The following CDH13 variants were observed in gnomAD, a reference collection of about 807,000 sequenced individuals.
CDH13 encodes the protein cadherin 13.
CDH13 carries 24 observed loss-of-function variants against 63.8 expected under a neutral mutation model. That is an observed-to-expected ratio of 0.38 (90% CI 0.27 to 0.53). CDH13 has a LOEUF of 0.53. CDH13 is among the 20% of genes least tolerant of loss of function. The pLI is 0.85. For missense variants in CDH13, 1,049 were observed against 903.1 expected (o/e 1.16, Z -2.07); for synonymous variants, 503 against 355.3 (o/e 1.42, Z -4.67).
At chr16:83,352,869 G>T (rs1013842168) in intron 6 of CDH13, among the ~76,000 whole-genome samples, 1 of 152,196 alleles carries the variant, frequency 6.6e-6, no homozygotes, top group African/African-American at 2.4e-5. Flanking sequence ...CAGCCTGGGC[G>T]ATAGAGCGAG....
At chr16:82,997,628 G>T (rs1269011083) in intron 2 of CDH13, among the ~76,000 whole-genome samples, 1 of 152,062 alleles carries the variant, frequency 6.6e-6, no homozygotes, top group African/African-American at 2.4e-5. Flanking sequence ...CCTGAGCCCA[G>T]GTTGTTCTTA....
intron 1 of CDH13, among the ~76,000 whole-genome samples, chr16:82,793,174 A>G (rs1028412141): frequency 3.9e-5 from 6 of 152,238 alleles, no homozygotes; most frequent in Non-Finnish European, 8.8e-5. Context: ...TCAGTGCATC[A>G]CCCAGTGAAG....
At chr16:83,477,132 G>T (rs948505773) in intron 6 of CDH13, among the ~76,000 whole-genome samples, 1 of 152,248 alleles carries the variant, frequency 6.6e-6, no homozygotes, top group Non-Finnish European at 1.5e-5. Context: ...GCAGACACTG[G>T]AGGCTGAACT....
intron 1 of CDH13, among the ~76,000 whole-genome samples, chr16:82,856,879 G>A (rs906247586): frequency 3.3e-5 from 5 of 152,044 alleles, no homozygotes; most frequent in Non-Finnish European, 7.4e-5. Flanking sequence ...GACAAAATGC[G>A]TATCTCCAAG....
At chr16:83,781,569 A>G (rs1391153792) in intron 12 of CDH13, among the ~76,000 whole-genome samples, 1 of 151,950 alleles carries the variant, frequency 6.6e-6, no homozygotes, top group Non-Finnish European at 1.5e-5. Flanking sequence ...TTTGCTTGTT[A>G]TTGATTCTAT....
chr16:83,349,165 C>A (rs1443459009), intron 6 of CDH13, among the ~76,000 whole-genome samples: 2 of 152,180 alleles, frequency 1.3e-5, no homozygotes, highest in African/African-American at 2.4e-5. Context: ...TTTGACTTTG[C>A]AGATCGTGAG....
chr16:83,081,870 G>A lies in CDH13; in HGVS notation c.367-43515G>A, dbSNP rs183106272. Among the ~76,000 whole-genome samples the A allele has an allele frequency of 1.9e-3, 282 of 150,898 alleles. 3 individuals are homozygous for A. Among genetic ancestry groups the A allele is most frequent in the African/African-American group, 5.2e-3 (213 of 41,012 alleles). ...GGCTGGAGTACAGTGGTGTGATCTC[G>A]GCTCACCATAACCTCCGCCTCCCAG... On this transcript the variant is annotated intron_variant, in intron 3 of 13. Coordinates refer to ENST00000567109, the MANE Select transcript of CDH13 (RefSeq NM_001257.5).
intron 7 of CDH13, among the ~76,000 whole-genome samples, chr16:83,556,735 C>T (rs923238939): frequency 2.0e-5 from 3 of 152,162 alleles, no homozygotes; most frequent in Non-Finnish European, 4.4e-5. Context: ...GGCCTGGCTT[C>T]GATAACTTAC....
chr16:82,997,639 T>C (rs1843208792), intron 2 of CDH13, among the ~76,000 whole-genome samples: 2 of 152,178 alleles, frequency 1.3e-5, no homozygotes, highest in Admixed American at 6.5e-5. Flanking sequence ...GTTGTTCTTA[T>C]CCCTGTTCTA....
At chr16:82,774,300 T>G (rs576509638) in intron 1 of CDH13, among the ~76,000 whole-genome samples, 6 of 147,012 alleles carry the variant, frequency 4.1e-5, no homozygotes, top group Non-Finnish European at 8.9e-5. Context: ...CTCTTCAATT[T>G]ACATCTGTAT....
intron 1 of CDH13, among the ~76,000 whole-genome samples, chr16:82,778,570 GA>G (rs11350020): frequency 0.29 from 24,318 of 85,104 alleles, 1,885 homozygotes; most frequent in South Asian, 0.43. Flanking sequence ...ATCACGACCA[GA>G]AAAAAAAAAA....
At chr16:83,119,751 A>T (rs1173550437) in intron 3 of CDH13, among the ~76,000 whole-genome samples, 1 of 152,192 alleles carries the variant, frequency 6.6e-6, no homozygotes, top group African/African-American at 2.4e-5. Flanking sequence ...TATGGATGTC[A>T]GTCAAATCAT....
chr16:83,745,585 C>A (rs1567568072), intron 10 of CDH13, among the ~76,000 whole-genome samples: 1 of 152,162 alleles, frequency 6.6e-6, no homozygotes, highest in Non-Finnish European at 1.5e-5. Context: ...GTGGTGACTG[C>A]ATAGATGCCC....
intron 3 of CDH13, among the ~76,000 whole-genome samples, chr16:83,046,876 T>C (rs1470417713): frequency 1.3e-5 from 2 of 152,102 alleles, no homozygotes; most frequent in Admixed American, 1.3e-4. Context: ...GCTCTTTCTG[T>C]CTTCTGCCAA....
At chr16:83,329,457 G>A (rs752285425) in intron 5 of CDH13, among the ~76,000 whole-genome samples, 7 of 150,900 alleles carry the variant, frequency 4.6e-5, no homozygotes, top group East Asian at 1.9e-4. Context: ...GGCTGGTCTC[G>A]AACTCCTGAC....
At chr16:83,552,004 CA>C (rs1381866002) in intron 7 of CDH13, among the ~76,000 whole-genome samples, 2 of 152,108 alleles carry the variant, frequency 1.3e-5, no homozygotes, top group Non-Finnish European at 2.9e-5. Flanking sequence ...AGATGCATGA[CA>C]AAATGAATGG....
chr16:83,771,888 C>T (rs770100785), intron 11 of CDH13, among the ~76,000 whole-genome samples: 31 of 152,208 alleles, frequency 2.0e-4, no homozygotes, highest in Non-Finnish European at 4.3e-4. Context: ...TATCTCCTTA[C>T]ATCCCATTCA....
chr16:82,705,352 C>T, intron 1 of CDH13: 1 of 351,502 alleles, frequency 2.8e-6, no homozygotes, highest in Non-Finnish European at 5.6e-6. Flanking sequence ...AGAGATATAA[C>T]AATTAGAATT....
At chr16:83,634,850 T>G (rs1376380870) in intron 8 of CDH13, among the ~76,000 whole-genome samples, 1 of 152,236 alleles carries the variant, frequency 6.6e-6, no homozygotes, top group Non-Finnish European at 1.5e-5. Flanking sequence ...GAAGGACATT[T>G]GACTTTGTTG....
Sources: gnomAD v4.1 joint callset for allele counts (sites outside exome capture counted in the v4.1 genomes callset) on GRCh38, gnomAD v4.1.1 for gene constraint, MANE v1.5 for transcripts, NCBI Gene and HGNC (gene_info 2026-07-23, HGNC 2026-07-21) for gene names.